Variants in OPCML observed in about 807,000 individuals in gnomAD.
OPCML encodes the protein opioid-binding protein/cell adhesion molecule.
A neutral mutation model predicts 37.8 loss-of-function variants in OPCML; 13 were observed. That is an observed-to-expected ratio of 0.34 (90% CI 0.22 to 0.55). OPCML has a LOEUF of 0.55. Ranked by LOEUF, OPCML falls within the 20% of genes least tolerant of loss-of-function variation. The pLI, the probability that OPCML is intolerant of heterozygous loss-of-function variation, is 0.91. For synonymous variants in OPCML, 176 were observed against 168.8 expected, an observed-to-expected ratio of 1.04 and a Z score of -0.33; for missense variants, 341 against 435.6, an observed-to-expected ratio of 0.78 and a Z score of 1.93.
chr11:133,530,386 C>T (rs2120767284), intron 1 of OPCML, among the ~76,000 whole-genome samples: 1 of 152,372 alleles, frequency 6.6e-6, no homozygotes, highest in South Asian at 2.1e-4. Flanking sequence ...ATAAGGGGCG[C>T]ATCCATACAG....
At chr11:133,145,200 G>A (rs1354753869) in intron 1 of OPCML, among the ~76,000 whole-genome samples, 4 of 152,210 alleles carry the variant, frequency 2.6e-5, no homozygotes, top group South Asian at 2.1e-4. Flanking sequence ...TACGATTAAT[G>A]ACAGTGCTAT....
chr11:133,530,669 A>G lies in OPCML; in HGVS notation c.61+1595T>C, dbSNP rs968916921. On this transcript the variant is annotated intron_variant, in intron 1 of 7. Coordinates refer to ENST00000524381, the MANE Select transcript of OPCML (RefSeq NM_001012393.5). ...GATGCTGCTGGAATCTGGAATAACA[A>G]CAACAGCAACCCCCACTCTGAACTT... Among the ~76,000 whole-genome samples, 65 of 152,230 alleles carry G rather than the reference A, an allele frequency of 4.3e-4. 2 individuals are homozygous for G. Among genetic ancestry groups the G allele is most frequent in the Admixed American group, 4.3e-3 (65 of 15,286 alleles).
At chr11:133,104,699 T>C (rs1481111505) in intron 1 of OPCML, among the ~76,000 whole-genome samples, 1 of 152,208 alleles carries the variant, frequency 6.6e-6, no homozygotes, top group Non-Finnish European at 1.5e-5. Context: ...GGCCTATAAA[T>C]GCCTTCAGCA....
At chr11:132,619,437 T>C (rs1022985809) in intron 3 of OPCML, among the ~76,000 whole-genome samples, 1 of 152,116 alleles carries the variant, frequency 6.6e-6, no homozygotes, top group Non-Finnish European at 1.5e-5. Flanking sequence ...AGGCATTTGA[T>C]GAATAAATTA....
intron 1 of OPCML, among the ~76,000 whole-genome samples, chr11:133,010,565 G>C (rs1366769301): frequency 6.6e-6 from 1 of 152,166 alleles, no homozygotes; most frequent in Non-Finnish European, 1.5e-5. Flanking sequence ...TTTGATTAAT[G>C]AATTAGTGGT....
chr11:133,496,458 G>A (rs1022703024), intron 1 of OPCML, among the ~76,000 whole-genome samples: 1 of 151,986 alleles, frequency 6.6e-6, no homozygotes, highest in African/African-American at 2.4e-5. Context: ...TATTTTGATG[G>A]GGATGTGTTG....
At chr11:132,624,163 C>G (rs1939596135) in intron 3 of OPCML, among the ~76,000 whole-genome samples, 1 of 152,154 alleles carries the variant, frequency 6.6e-6, no homozygotes, top group African/African-American at 2.4e-5. Flanking sequence ...ATTAATAAAG[C>G]TATCCTCTCA....
chr11:133,522,037 T>C (rs1948407083), intron 1 of OPCML, among the ~76,000 whole-genome samples: 1 of 152,184 alleles, frequency 6.6e-6, no homozygotes, highest in African/African-American at 2.4e-5. Context: ...ATGTCTATGT[T>C]GTCAACTGTG....
chr11:132,495,178 A>G (rs187766311), intron 4 of OPCML, among the ~76,000 whole-genome samples: 1 of 152,158 alleles, frequency 6.6e-6, no homozygotes, highest in Non-Finnish European at 1.5e-5. Context: ...CATTTTACCC[A>G]AAAAACATTT....
intron 3 of OPCML, among the ~76,000 whole-genome samples, chr11:132,632,687 G>GTAATCACTCT (rs1940228761): frequency 6.6e-6 from 1 of 152,006 alleles, no homozygotes; most frequent in African/African-American, 2.4e-5. Flanking sequence ...GCAAGGCGAG[G>GTAATCACTCT]TAATCACTCT....
At chr11:133,465,312 G>T (rs572188868) in intron 1 of OPCML, among the ~76,000 whole-genome samples, 1 of 152,086 alleles carries the variant, frequency 6.6e-6, no homozygotes, top group Non-Finnish European at 1.5e-5. Context: ...ATACCCAAGC[G>T]ATCTAGAGTA....
chr11:133,525,077 T>A (rs1395913809), intron 1 of OPCML, among the ~76,000 whole-genome samples: 5 of 152,126 alleles, frequency 3.3e-5, no homozygotes, highest in African/African-American at 9.7e-5. Flanking sequence ...TAAACAATGG[T>A]CTAGGGAGGA....
chr11:132,517,349 A>T (rs1037715170), intron 4 of OPCML, among the ~76,000 whole-genome samples: 2 of 152,178 alleles, frequency 1.3e-5, no homozygotes, highest in Non-Finnish European at 2.9e-5. Flanking sequence ...CTGGACCCAG[A>T]GGTCTTTCAA....
intron 1 of OPCML, among the ~76,000 whole-genome samples, chr11:133,179,625 A>C (rs1937727693): frequency 2.0e-5 from 3 of 152,186 alleles, no homozygotes; most frequent in Admixed American, 2.0e-4. Context: ...CATTCTGAAG[A>C]AGCTCAGAGT....
At chr11:132,520,874 A>T (rs553891129) in intron 4 of OPCML, among the ~76,000 whole-genome samples, 2 of 152,206 alleles carry the variant, frequency 1.3e-5, no homozygotes, top group Admixed American at 1.3e-4. Context: ...ATGATTTATA[A>T]TCCTTTAGGT....
intron 1 of OPCML, among the ~76,000 whole-genome samples, chr11:133,118,868 G>A (rs1436979414): frequency 3.9e-5 from 6 of 152,298 alleles, no homozygotes; most frequent in South Asian, 4.1e-4. Flanking sequence ...ACACATGGAC[G>A]TGATCCAGTG....
At chr11:132,620,509 G>A (rs1184325135) in intron 3 of OPCML, among the ~76,000 whole-genome samples, 7 of 152,168 alleles carry the variant, frequency 4.6e-5, no homozygotes, top group African/African-American at 1.4e-4. Flanking sequence ...GCAGAGAGAT[G>A]GAAGGCTAAG....
chr11:132,487,692 T>C (rs912228120), intron 4 of OPCML, among the ~76,000 whole-genome samples: 2 of 152,260 alleles, frequency 1.3e-5, no homozygotes, highest in Admixed American at 6.5e-5. Context: ...TCTTATTACC[T>C]GGCCAGATAG....
intron 2 of OPCML, among the ~76,000 whole-genome samples, chr11:132,906,517 C>A (rs1272202240): frequency 6.6e-6 from 1 of 152,008 alleles, no homozygotes. Flanking sequence ...GTGTAGGCAC[C>A]ATATTAACAG....
Sources: gnomAD v4.1 joint callset for allele counts (sites outside exome capture counted in the v4.1 genomes callset) on GRCh38, gnomAD v4.1.1 for gene constraint, MANE v1.5 for transcripts, NCBI Gene and HGNC (gene_info 2026-07-23, HGNC 2026-07-21) for gene names.